The following PDZRN3 variants were observed in gnomAD, a reference collection of about 807,000 sequenced individuals.
PDZRN3 encodes the protein PDZ domain containing ring finger 3, also known as E3 ubiquitin-protein ligase PDZRN3.
In PDZRN3, 38 loss-of-function variants were observed where a neutral mutation model predicts 85.7. That is an observed-to-expected ratio of 0.44 (90% CI 0.34 to 0.58). The LOEUF (loss-of-function observed/expected upper bound fraction) is 0.58, where lower values mean the gene tolerates loss of function less well. Ranked by LOEUF, PDZRN3 falls within the 20% of genes least tolerant of loss-of-function variation. PDZRN3 has a pLI of 0.01. For missense variants in PDZRN3, 1,629 were observed against 1,506.4 expected, an observed-to-expected ratio of 1.08 and a Z score of -1.35; for synonymous variants, 759 against 638.0, an observed-to-expected ratio of 1.19 and a Z score of -2.86.
In PDZRN3 at chr3:73,624,111, C is replaced by T. The variant is rs34757207; in HGVS notation, c.715G>A (p.Gly239Ser). 6 of 1,459,452 alleles carry T rather than the reference C, an allele frequency of 4.1e-6. No homozygotes were observed. The highest frequency in any genetic ancestry group is 1.5e-5 in the African/African-American group (1 of 67,402). 90.4% of individuals were successfully genotyped at this position (1,459,452 alleles called of 1,614,324 possible). Residue 239 changes from glycine to serine, a missense_variant, in exon 1 of 10, where the codon GGC becomes AGC. Physicochemically the swap from Gly to Ser is moderately conservative, Grantham distance 56. Coordinates refer to ENST00000263666, the MANE Select transcript of PDZRN3 (RefSeq NM_015009.3). ...GGGCAGCAGGCGCCTACCTTGCCGC[C>T]GGGCGGCGCGGCCACGCAGCGGCTG... is the stretch of plus-strand genomic sequence containing the variant. ...SLSRCVAAPP[G>S]GKGEETKSLT...
intron 2 of PDZRN3, among the ~76,000 whole-genome samples, chr3:73,606,165 TTGG>T (rs1702596981): frequency 6.6e-6 from 1 of 152,248 alleles, no homozygotes; most frequent in Non-Finnish European, 1.5e-5. Flanking sequence ...ATAGGTCTTC[TTGG>T]TTTGGGTTCT....
intron 3 of PDZRN3, among the ~76,000 whole-genome samples, chr3:73,533,087 C>T (rs1371413226): frequency 1.3e-5 from 2 of 152,184 alleles, no homozygotes; most frequent in Non-Finnish European, 2.9e-5. Flanking sequence ...TGATTTTAAT[C>T]TGATTATTTC....
At chr3:73,428,532 A>C (rs1033720774) in intron 3 of PDZRN3, among the ~76,000 whole-genome samples, 1 of 152,152 alleles carries the variant, frequency 6.6e-6, no homozygotes, top group East Asian at 1.9e-4. Context: ...ATATATATGG[A>C]AACAAGGTGG....
At chr3:73,599,345 C>T (rs1702477408) in intron 3 of PDZRN3, among the ~76,000 whole-genome samples, 1 of 152,134 alleles carries the variant, frequency 6.6e-6, no homozygotes, top group Non-Finnish European at 1.5e-5. Context: ...AAGCCAGTCA[C>T]AAAAGGCAAA....
chr3:73,588,267 TC>T (rs1256787370), intron 3 of PDZRN3, among the ~76,000 whole-genome samples: 1 of 152,206 alleles, frequency 6.6e-6, no homozygotes, highest in Non-Finnish European at 1.5e-5. Flanking sequence ...ATGATCTCAT[TC>T]CTTTTTATGG....
At chr3:73,582,336 A>G (rs1702214773) in intron 3 of PDZRN3, among the ~76,000 whole-genome samples, 1 of 152,150 alleles carries the variant, frequency 6.6e-6, no homozygotes, top group Non-Finnish European at 1.5e-5. Context: ...GGTGCATTGA[A>G]TAAAATATTT....
chr3:73,500,123 A>G (rs7433225), intron 3 of PDZRN3, among the ~76,000 whole-genome samples: 149,361 of 152,236 alleles, frequency 0.98, 73,341 homozygotes, highest in Non-Finnish European at 1. Flanking sequence ...TGGCGTGATC[A>G]TGGCTAACCG....
intron 3 of PDZRN3, chr3:73,569,179 C>A (rs1274812314): frequency 1.6e-6 from 2 of 1,289,356 alleles, no homozygotes; most frequent in African/African-American, 3.0e-5. Flanking sequence ...TTCTTCTTTA[C>A]TCTTTGATTC....
At position 73,391,051 on chromosome 3, in the gene PDZRN3, G is replaced by A. The variant is rs538722275; in HGVS notation, c.1320C>T (p.Asp440=). 200 of 1,613,124 alleles carry A rather than the reference G, an allele frequency of 1.2e-4. No individual in the cohort carries two copies. The highest frequency in any genetic ancestry group is 5.7e-4 in the Admixed American group (34 of 59,996). ...TATAAATCCCAATGTCGTCTTCATC[G>A]TCCGTCCGGTAGCACACAGTGAGGC... ...KLGLTVCYRT[D]DEDDIGIYIS... The change falls in exon 6 of 10, where the codon GAC becomes GAT. Residue 440 remains aspartate, a synonymous_variant. Transcript: ENST00000263666.
chr3:73,612,743 C>T (rs988445754), intron 1 of PDZRN3, among the ~76,000 whole-genome samples: 7 of 152,226 alleles, frequency 4.6e-5, no homozygotes, highest in East Asian at 3.9e-4. Flanking sequence ...CTCAGATTGG[C>T]GCAACATCAG....
At chr3:73,547,653 G>T (rs1445671147) in intron 3 of PDZRN3, among the ~76,000 whole-genome samples, 2 of 152,254 alleles carry the variant, frequency 1.3e-5, no homozygotes, top group African/African-American at 4.8e-5. Context: ...GCCTCCAAGA[G>T]ATGCTGTGAG....
intron 3 of PDZRN3, among the ~76,000 whole-genome samples, chr3:73,597,255 A>C (rs113365437): frequency 6.6e-6 from 1 of 152,152 alleles, no homozygotes; most frequent in African/African-American, 2.4e-5. Flanking sequence ...GAGGGAAAGC[A>C]TTGCTAATCC....
At position 73,383,147 on chromosome 3, in the gene PDZRN3, T is replaced by C. The variant is rs913129643; in HGVS notation, c.*218A>G. Reference sequence around the variant, plus strand: ...TACAATTGCTATTTGAAAAAAGCTCTGTTTGTTAATATTGCCTTCCAAGAT... The same window carrying C: ...TACAATTGCTATTTGAAAAAAGCTCCGTTTGTTAATATTGCCTTCCAAGAT... On this transcript the variant is annotated 3_prime_UTR_variant, in exon 10 of 10. Transcript: ENST00000263666. 1.5e-5 allele frequency: 7 copies of C among 476,884 alleles called. No individual in the cohort carries two copies. Among genetic ancestry groups the C allele is most frequent in the East Asian group, 3.2e-5 (1 of 31,380 alleles). 29.5% of individuals were successfully genotyped at this position (476,884 alleles called of 1,614,324 possible). A position where few individuals can be genotyped will look rare whatever the true frequency, so the allele number is the denominator to read the frequency against.
At chr3:73,558,468 CAG>C (rs1701747444) in intron 3 of PDZRN3, among the ~76,000 whole-genome samples, 1 of 152,182 alleles carries the variant, frequency 6.6e-6, no homozygotes, top group Admixed American at 6.5e-5. Context: ...TCCAACAAAA[CAG>C]ATATATAGGC....
At chr3:73,540,998 C>T (rs1704907616) in intron 3 of PDZRN3, among the ~76,000 whole-genome samples, 1 of 152,200 alleles carries the variant, frequency 6.6e-6, no homozygotes, top group African/African-American at 2.4e-5. Flanking sequence ...GGGAATCAAA[C>T]TGTCTACTCT....
intron 3 of PDZRN3, among the ~76,000 whole-genome samples, chr3:73,504,051 T>G (rs1559712661): frequency 6.6e-6 from 1 of 152,220 alleles, no homozygotes; most frequent in Non-Finnish European, 1.5e-5. Context: ...GACATTCACT[T>G]ATTCATATTT....
Position 73,536,135 on chromosome 3 carries a change from C to T in PDZRN3, c.918+66219G>A, listed in dbSNP as rs140428384. On this transcript the variant is annotated intron_variant, in intron 3 of 9. Transcript: ENST00000263666. The stretch of plus-strand genomic sequence containing the variant: ...ATGGTAATAAATACAAAGGTCTCTG[C>T]CACTGCACTCCACTGTAAGCCATTT... 3.3e-5 allele frequency among the ~76,000 whole-genome samples: 5 copies of T among 152,326 alleles called. No individual in the cohort carries two copies. In the East Asian group the frequency reaches 9.6e-4, roughly 29 times the overall value.
Position 73,496,740 on chromosome 3 carries a change from CCCA to C in PDZRN3, c.919-92348_919-92346del, listed in dbSNP as rs1398531443. On this transcript the variant is annotated intron_variant, in intron 3 of 9. Coordinates refer to ENST00000263666, the MANE Select transcript of PDZRN3 (RefSeq NM_015009.3). ...TAAAAAGATACAAACCCAAGAAAAC[CCCA>C]CATTATTTAAAAAATATTTTACTTA... is the stretch of plus-strand genomic sequence containing the variant. Among the ~76,000 whole-genome samples the C allele has an allele frequency of 1.2e-4, 19 of 152,032 alleles. No homozygotes were observed. In the East Asian group the frequency reaches 2.3e-3, roughly 19 times the overall value.
At chr3:73,615,017 A>C (rs1280744181) in intron 1 of PDZRN3, among the ~76,000 whole-genome samples, 4 of 152,094 alleles carry the variant, frequency 2.6e-5, no homozygotes, top group African/African-American at 7.2e-5. Flanking sequence ...CAAAAGTATT[A>C]ATAGGATGTT....
Sources: gnomAD v4.1 joint callset for allele counts (sites outside exome capture counted in the v4.1 genomes callset) on GRCh38, gnomAD v4.1.1 for gene constraint, MANE v1.5 for transcripts, NCBI Gene and HGNC (gene_info 2026-07-23, HGNC 2026-07-21) for gene names.